Variants in FSTL5 observed in about 807,000 individuals in gnomAD.
FSTL5 encodes the protein follistatin like 5.
A neutral mutation model predicts 89.1 loss-of-function variants in FSTL5; 62 were observed. The ratio of observed to expected loss-of-function variants is 0.70; its 90% CI spans 0.57 to 0.86. The LOEUF (loss-of-function observed/expected upper bound fraction) is 0.86. Among genes scored for constraint, FSTL5 ranks in the 40% least tolerant of loss-of-function variants. The probability of loss-of-function intolerance (pLI) is 0.00; values close to 1 mark genes in which losing one functional copy is unlikely to be tolerated. For missense variants in FSTL5, 1,057 were observed against 1,001.6 expected (o/e 1.06, Z -0.75); for synonymous variants, 383 against 346.2 (o/e 1.11, Z -1.18).
At chr4:161,670,080 G>A (rs1056920182) in intron 6 of FSTL5, among the ~76,000 whole-genome samples, 6 of 152,188 alleles carry the variant, frequency 3.9e-5, no homozygotes, top group Non-Finnish European at 7.4e-5. Context: ...GTGAAATATT[G>A]AATGCATGAA....
chr4:162,000,436 C>CA (rs1200110837), intron 3 of FSTL5, among the ~76,000 whole-genome samples: 4 of 151,212 alleles, frequency 2.6e-5, no homozygotes, highest in Admixed American at 1.3e-4. Flanking sequence ...ACTAAAAATA[C>CA]AAAAAAACAA....
At chr4:161,825,237 A>C (rs978458477) in intron 4 of FSTL5, among the ~76,000 whole-genome samples, 3 of 152,164 alleles carry the variant, frequency 2.0e-5, no homozygotes, top group South Asian at 4.1e-4. Flanking sequence ...TCCTGGTATG[A>C]AACCCACTTG....
At chr4:161,791,452 C>G (rs1579095705) in intron 4 of FSTL5, among the ~76,000 whole-genome samples, 1 of 152,272 alleles carries the variant, frequency 6.6e-6, no homozygotes, top group East Asian at 1.9e-4. Context: ...TGTAAAGGAA[C>G]AGCGTAAATA....
chr4:162,152,907 A>T (rs1579068158), intron 1 of FSTL5, among the ~76,000 whole-genome samples: 1 of 151,710 alleles, frequency 6.6e-6, no homozygotes, highest in East Asian at 1.9e-4. Context: ...AATACATTGT[A>T]GTGCCAAACA....
chr4:161,432,199 T>C (rs1732402007), intron 15 of FSTL5, among the ~76,000 whole-genome samples: 1 of 152,064 alleles, frequency 6.6e-6, no homozygotes, highest in African/African-American at 2.4e-5. Flanking sequence ...GGAGAGACTA[T>C]ATGTTAAGTC....
chr4:161,544,975 A>G (rs770947289), intron 8 of FSTL5, among the ~76,000 whole-genome samples: 60 of 152,126 alleles, frequency 3.9e-4, no homozygotes, highest in Non-Finnish European at 5.0e-4. Context: ...TTAAAATGAG[A>G]TGTCGTAAAT....
At chr4:161,405,773 G>A (rs1731355597) in intron 15 of FSTL5, among the ~76,000 whole-genome samples, 1 of 151,942 alleles carries the variant, frequency 6.6e-6, no homozygotes, top group Non-Finnish European at 1.5e-5. Context: ...GACAAAGAGA[G>A]AATCACCAAA....
intron 3 of FSTL5, among the ~76,000 whole-genome samples, chr4:161,983,585 T>C (rs1376170805): frequency 2.0e-5 from 3 of 152,186 alleles, no homozygotes; most frequent in Non-Finnish European, 4.4e-5. Flanking sequence ...ATTTTATCAT[T>C]AATATGAAAT....
At chr4:161,611,284 G>T (rs1291157859) in intron 7 of FSTL5, among the ~76,000 whole-genome samples, 2 of 139,274 alleles carry the variant, frequency 1.4e-5, no homozygotes, top group Admixed American at 1.5e-4. Context: ...TCCTGAATCA[G>T]TAGATTATGT....
intron 7 of FSTL5, among the ~76,000 whole-genome samples, chr4:161,607,919 C>T (rs1015408265): frequency 1.3e-5 from 2 of 152,062 alleles, no homozygotes; most frequent in African/African-American, 4.8e-5. Context: ...CAATACTGTG[C>T]TTCTTAAAGA....
intron 6 of FSTL5, among the ~76,000 whole-genome samples, chr4:161,674,165 T>C (rs1737219204): frequency 6.6e-6 from 1 of 152,068 alleles, no homozygotes; most frequent in Non-Finnish European, 1.5e-5. Context: ...AGTAAGAAGC[T>C]TTAAAAGCAC....
chr4:161,787,169 A>C (rs1156683728), intron 4 of FSTL5, among the ~76,000 whole-genome samples: 1 of 152,124 alleles, frequency 6.6e-6, no homozygotes, highest in African/African-American at 2.4e-5. Context: ...TCAGTGGATA[A>C]ATATAATGAA....
chr4:161,456,756 G>A (rs1296524376), intron 14 of FSTL5, among the ~76,000 whole-genome samples: 1 of 152,156 alleles, frequency 6.6e-6, no homozygotes, highest in Non-Finnish European at 1.5e-5. Context: ...AAGAGCATTG[G>A]CAAACTTGGT....
At position 161,412,904 on chromosome 4, in the gene FSTL5, T is replaced by C. The variant is rs900152209; in HGVS notation, c.1842-26455A>G. On this transcript the variant is annotated intron_variant, in intron 15 of 15. Coordinates refer to ENST00000306100, the MANE Select transcript of FSTL5 (RefSeq NM_020116.5). ...AGCTGGATCCCTAACTTTCACTGTA[T>C]GCAAAAATTAATTCAAAATGGATCA... is the stretch of plus-strand genomic sequence containing the variant. Among the ~76,000 whole-genome samples the C allele has an allele frequency of 3.9e-5, 6 of 152,290 alleles. No homozygotes were observed. In the East Asian group the frequency reaches 1.2e-3, roughly 29 times the overall value.
chr4:161,478,440 C>T (rs367628984), intron 13 of FSTL5, among the ~76,000 whole-genome samples: 10 of 152,166 alleles, frequency 6.6e-5, no homozygotes, highest in African/African-American at 2.4e-4. Context: ...ACATTGTTAA[C>T]TGATGAAGAT....
intron 3 of FSTL5, among the ~76,000 whole-genome samples, chr4:162,030,657 G>A (rs1265878849): frequency 6.6e-6 from 1 of 152,136 alleles, no homozygotes; most frequent in African/African-American, 2.4e-5. Flanking sequence ...AAGAGTGCAA[G>A]AGCACAGGCA....
At chr4:161,631,847 CTAAA>C (rs1187932466) in intron 7 of FSTL5, among the ~76,000 whole-genome samples, 2 of 151,874 alleles carry the variant, frequency 1.3e-5, no homozygotes, top group Non-Finnish European at 1.5e-5. Context: ...GCAAAAGTAC[CTAAA>C]TAGAGTTGGT....
At chr4:161,813,058 G>C (rs975976669) in intron 4 of FSTL5, among the ~76,000 whole-genome samples, 1 of 148,292 alleles carries the variant, frequency 6.7e-6, no homozygotes, top group Non-Finnish European at 1.5e-5. Flanking sequence ...GCAGAGTCTC[G>C]CGCTGTTGCC....
intron 3 of FSTL5, among the ~76,000 whole-genome samples, chr4:162,032,264 C>T (rs555027673): frequency 6.6e-6 from 1 of 152,202 alleles, no homozygotes; most frequent in South Asian, 2.1e-4. Context: ...TGGAACCCTT[C>T]ATGAGAAGGA....
Sources: gnomAD v4.1 joint callset for allele counts (sites outside exome capture counted in the v4.1 genomes callset) on GRCh38, gnomAD v4.1.1 for gene constraint, MANE v1.5 for transcripts, NCBI Gene and HGNC (gene_info 2026-07-23, HGNC 2026-07-21) for gene names.